STK38L: variants seen among roughly 807,000 people sequenced by gnomAD.
The protein encoded by STK38L is serine/threonine-protein kinase 38-like.
STK38L carries 28 observed loss-of-function variants against 59.7 expected under a neutral mutation model. The ratio of observed to expected loss-of-function variants is 0.47; its 90% CI spans 0.35 to 0.64. The LOEUF (loss-of-function observed/expected upper bound fraction) is 0.64. STK38L is among the 30% of genes least tolerant of loss of function. The pLI is 0.01. For synonymous variants in STK38L, 162 were observed against 176.8 expected (o/e 0.92, Z 0.66); for missense variants, 314 against 555.8 (o/e 0.56, Z 4.37).
At chr12:27,250,708 T>C (rs147000320) in intron 1 of STK38L, among the ~76,000 whole-genome samples, 1,940 of 151,816 alleles carry the variant, frequency 0.013, 14 homozygotes, top group Non-Finnish European at 0.017. Context: ...GAGTTAGAAA[T>C]TGCTCCTTCA....
At chr12:27,267,265 T>G (rs1483661624) in intron 1 of STK38L, among the ~76,000 whole-genome samples, 1 of 152,068 alleles carries the variant, frequency 6.6e-6, no homozygotes. Flanking sequence ...AAATGAAACA[T>G]CAAAGTATCT....
chr12:27,318,010 T>C lies in STK38L; in HGVS notation c.1070T>C (p.Leu357Ser). ...CCTATATCTGAGAAAGCCAAGGACT[T>C]AATTCTCAGGTTAGTGGTTAAATTC... is the stretch of plus-strand genomic sequence containing the variant. ...EVPISEKAKD[L>S]ILRFCIDSEN... Residue 357 changes from leucine (L) to serine (S), a missense_variant, in exon 11 of 14, where the codon TTA (leucine) becomes TCA (serine). Around this residue, in one of 3 missense-constraint regions of STK38L, gnomAD observed 94 missense variants for 142.2 expected, o/e 0.66. Coordinates refer to ENST00000389032, the MANE Select transcript of STK38L (RefSeq NM_015000.4). 6.2e-7 allele frequency: 1 copy of C among 1,613,908 alleles called. No individual in the cohort carries two copies. The highest frequency in any genetic ancestry group is 8.5e-7 in the Non-Finnish European group (1 of 1,179,912).
intron 1 of STK38L, among the ~76,000 whole-genome samples, chr12:27,290,171 ATTATC>A (rs1591899758): frequency 6.6e-6 from 1 of 152,336 alleles, no homozygotes; most frequent in Non-Finnish European, 1.5e-5. Flanking sequence ...AACTTTTAGA[ATTATC>A]TTAAGTCTTA....
Position 27,319,353 on chromosome 12 carries a change from A to T in STK38L, c.1105A>T (p.Ile369Phe). 6.2e-7 allele frequency: 1 copy of T among 1,612,816 alleles called. No homozygotes were observed. The highest frequency in any genetic ancestry group is 1.1e-5 in the South Asian group (1 of 90,932). Residue 369 changes from isoleucine to phenylalanine, a missense_variant, in exon 12 of 14, where the codon ATT becomes TTT. Physicochemically the swap from Ile to Phe is conservative, Grantham distance 21. Coordinates refer to ENST00000389032, the MANE Select transcript of STK38L (RefSeq NM_015000.4). ...LRFCIDSENR[I>F]GNSGVEEIKG... ...ATTTTGTATTGATTCTGAAAACAGA[A>T]TTGGAAATAGTGGAGTAGAAGAAAT...
intron 1 of STK38L, among the ~76,000 whole-genome samples, chr12:27,250,996 C>CTAA (rs1942962963): frequency 9.5e-6 from 1 of 105,000 alleles, no homozygotes; most frequent in Non-Finnish European, 2.0e-5. Flanking sequence ...GACTCTGTCT[C>CTAA]AAAAAAAAAA....
intron 1 of STK38L, among the ~76,000 whole-genome samples, chr12:27,266,366 A>G (rs1943301236): frequency 6.6e-6 from 1 of 152,222 alleles, no homozygotes; most frequent in Non-Finnish European, 1.5e-5. Flanking sequence ...AGTCTAGTGG[A>G]AAAACTTTTT....
At chr12:27,301,847 CAG>C (rs764375618) in intron 2 of STK38L, among the ~76,000 whole-genome samples, 1 of 152,108 alleles carries the variant, frequency 6.6e-6, no homozygotes, top group Non-Finnish European at 1.5e-5. Context: ...CATTAAGTAG[CAG>C]AGTTTTCCAT....
intron 1 of STK38L, among the ~76,000 whole-genome samples, chr12:27,264,596 TACA>T (rs1211704020): frequency 1.3e-5 from 2 of 152,104 alleles, no homozygotes; most frequent in Non-Finnish European, 2.9e-5. Context: ...GAAAAAACAA[TACA>T]ACAATAAAAA....
intron 3 of STK38L, among the ~76,000 whole-genome samples, chr12:27,302,818 A>C (rs1401428022): frequency 1.3e-5 from 2 of 151,562 alleles, no homozygotes; most frequent in Non-Finnish European, 2.9e-5. Context: ...CAGGAGATCG[A>C]GACCACGGTG....
At chr12:27,265,825 A>G (rs1412997019) in intron 1 of STK38L, among the ~76,000 whole-genome samples, 2 of 152,182 alleles carry the variant, frequency 1.3e-5, no homozygotes, top group East Asian at 3.9e-4. Flanking sequence ...CTGTTGAAGC[A>G]TGATTAATTT....
chr12:27,252,822 G>A lies in STK38L; in HGVS notation c.-12+8490G>A, dbSNP rs530457247. Among the ~76,000 whole-genome samples the A allele has an allele frequency of 8.5e-5, 13 of 152,196 alleles. No homozygotes were observed. In the South Asian group the frequency reaches 1.0e-3, roughly 12 times the overall value. ...GGAATCACAGACTCATAATATTTTA[G>A]TGAGGTTAATCATCATAATTCATTA... On this transcript the variant is annotated intron_variant, in intron 1 of 13. Transcript: ENST00000389032.
In STK38L at chr12:27,292,839, A is replaced by G. The variant is rs541159630; in HGVS notation, c.-11-4871A>G. Among the ~76,000 whole-genome samples the G allele has an allele frequency of 3.3e-5, 5 of 152,348 alleles. 1 individual carries two copies. The highest frequency in any genetic ancestry group is 9.6e-5 in the African/African-American group (4 of 41,588). On this transcript the variant is annotated intron_variant, in intron 1 of 13. Transcript: ENST00000389032. ...GGAGTAAAACTCATTACAACTTCCT[A>G]TGATGGAAGAAACCTCATCTTCTAT...
chr12:27,253,892 CTG>C (rs1943031307), intron 1 of STK38L, among the ~76,000 whole-genome samples: 1 of 152,214 alleles, frequency 6.6e-6, no homozygotes, highest in Non-Finnish European at 1.5e-5. Flanking sequence ...CTTTAGCACT[CTG>C]AGCTTTTGTA....
At chr12:27,310,917 T>G (rs1944439519) in intron 5 of STK38L, among the ~76,000 whole-genome samples, 1 of 152,222 alleles carries the variant, frequency 6.6e-6, no homozygotes. Context: ...GGATTTTGTT[T>G]TAGAAAGCTT....
intron 1 of STK38L, among the ~76,000 whole-genome samples, chr12:27,254,549 AT>A (rs538438326): frequency 2.0e-5 from 3 of 151,504 alleles, no homozygotes; most frequent in Non-Finnish European, 4.4e-5. Context: ...TACAGTGGTT[AT>A]TTTTTTTTCT....
In STK38L at chr12:27,309,091, AAT is replaced by A. The variant is rs747810940; in HGVS notation, c.310-18_310-17del. ...GAACAAATAGTAGTGACTGTTTTATAATATATGTTTTTTATCTTTTAGGTGCG... is the reference window on the plus strand; with the variant it reads ...GAACAAATAGTAGTGACTGTTTTATAATATGTTTTTTATCTTTTAGGTGCG... On this transcript the variant is annotated intron_variant, in intron 4 of 13. Transcript: ENST00000389032. 3.3e-6 allele frequency: 5 copies of A among 1,535,630 alleles called. No individual in the cohort carries two copies. The Admixed American group carries it at 9.8e-5, about 30-fold the overall frequency.
intron 5 of STK38L, 150 bp downstream of exon 5, chr12:27,309,347 T>C (rs1444265917): frequency 2.5e-6 from 1 of 400,158 alleles, no homozygotes; most frequent in Non-Finnish European, 4.3e-6. Context: ...TTCTCAGTTC[T>C]TTTAAGGTTT....
Position 27,258,882 on chromosome 12 carries a change from C to T in STK38L, c.-12+14550C>T, listed in dbSNP as rs190564578. 2.0e-5 allele frequency among the ~76,000 whole-genome samples: 3 copies of T among 152,222 alleles called. No individual in the cohort carries two copies. In the East Asian group the frequency reaches 5.8e-4, roughly 29 times the overall value. On this transcript the variant is annotated intron_variant, in intron 1 of 13. Transcript: ENST00000389032. ...ATCATTGGTAACACTATTGCCTAAGCCCAGTGAATATTGCAGAACTTATTT... is the reference window on the plus strand; with the variant it reads ...ATCATTGGTAACACTATTGCCTAAGTCCAGTGAATATTGCAGAACTTATTT...
chr12:27,259,073 G>A (rs1943149375), intron 1 of STK38L, among the ~76,000 whole-genome samples: 1 of 152,214 alleles, frequency 6.6e-6, no homozygotes, highest in South Asian at 2.1e-4. Context: ...AAGTTACTTG[G>A]CAAGACTTGT....
Sources: gnomAD v4.1 joint callset for allele counts (sites outside exome capture counted in the v4.1 genomes callset) on GRCh38, gnomAD v4.1.1 for gene constraint, gnomAD v4.1.1 regional missense constraint, MANE v1.5 for transcripts, NCBI Gene and HGNC (gene_info 2026-07-23, HGNC 2026-07-21) for gene names.